The following SLC4A7 variants were observed in gnomAD, a reference collection of about 807,000 sequenced individuals.
The protein encoded by SLC4A7 is solute carrier family 4 member 7, also known as sodium bicarbonate cotransporter 3.
In SLC4A7, 51 loss-of-function variants were observed where a neutral mutation model predicts 137.6. The observed-to-expected ratio is 0.37, with a 90% CI of 0.30 to 0.47. SLC4A7 has a LOEUF of 0.47. Among genes scored for constraint, SLC4A7 ranks in the 20% least tolerant of loss-of-function variants. The pLI, the probability that SLC4A7 is intolerant of heterozygous loss-of-function variation, is 1.00. For synonymous variants in SLC4A7, 542 were observed against 518.6 expected (o/e 1.05, Z -0.61); for missense variants, 1,247 against 1,525.4 (o/e 0.82, Z 3.04).
At chr3:27,413,837 G>A (rs2054133542) in intron 11 of SLC4A7, among the ~76,000 whole-genome samples, 1 of 152,200 alleles carries the variant, frequency 6.6e-6, no homozygotes, top group South Asian at 2.1e-4. Flanking sequence ...ACTTAACACT[G>A]TACTAGAGAT....
intron 22 of SLC4A7, 65 bp downstream of exon 22, chr3:27,389,866 A>G (rs1388371957): frequency 1.7e-6 from 2 of 1,185,796 alleles, no homozygotes; most frequent in African/African-American, 1.6e-5. Context: ...AATTATAAAT[A>G]TTAATAAAAA....
rs1269165343 is a variant in SLC4A7 at position 27,373,689 on chromosome 3, T to C, written c.*3075A>G. 1 of 152,196 alleles carries C rather than the reference T, an allele frequency of 6.6e-6. No homozygotes were observed. Among genetic ancestry groups the C allele is most frequent in the Non-Finnish European group, 1.5e-5 (1 of 67,948 alleles). The allele number at this position is 152,196 out of a possible 1,614,324, so 9.4% of individuals were successfully genotyped here. Reference sequence around the variant, plus strand: ...AGAAAGCATTTTTCTTTCAACAGAATTTTGAACCTGCCTTTGTGAAAGAAA... The same window carrying C: ...AGAAAGCATTTTTCTTTCAACAGAACTTTGAACCTGCCTTTGTGAAAGAAA... On this transcript the variant is annotated 3_prime_UTR_variant, in exon 26 of 26. Transcript: ENST00000454389.
intron 1 of SLC4A7, among the ~76,000 whole-genome samples, chr3:27,475,058 C>T (rs1256484728): frequency 6.6e-6 from 1 of 151,766 alleles, no homozygotes; most frequent in Non-Finnish European, 1.5e-5. Context: ...TGCAGTGAGC[C>T]GAGATTGCAC....
chr3:27,395,180 CAT>C, intron 18 of SLC4A7, 65 bp from the exon 19 acceptor site: 3 of 1,184,488 alleles, frequency 2.5e-6, no homozygotes, highest in Non-Finnish European at 3.5e-6. Context: ...ATTTCCATAA[CAT>C]AGACTTGATC....
chr3:27,407,974 G>C (rs2053546115), intron 13 of SLC4A7, among the ~76,000 whole-genome samples: 3 of 152,092 alleles, frequency 2.0e-5, no homozygotes, highest in Non-Finnish European at 4.4e-5. Context: ...TTCTAATAAA[G>C]CACCTGATAA....
chr3:27,451,643 G>A (rs1666889802), intron 2 of SLC4A7, among the ~76,000 whole-genome samples: 1 of 152,100 alleles, frequency 6.6e-6, no homozygotes, highest in South Asian at 2.1e-4. Context: ...GCAACTAAAT[G>A]TACTGTTACA....
At position 27,376,916 on chromosome 3, in the gene SLC4A7, T is replaced by A. The variant is rs2049944809; in HGVS notation, c.3699-71A>T. On this transcript the variant is annotated intron_variant, in intron 25 of 25. Transcript: ENST00000454389. ...ATTCAATTCTAAACATGGCTAACAATGAGTATACTAAACCTTCTGAGATTA... is the reference window on the plus strand; with the variant it reads ...ATTCAATTCTAAACATGGCTAACAAAGAGTATACTAAACCTTCTGAGATTA... 7.1e-6 allele frequency: 5 copies of A among 702,794 alleles called. No homozygotes were observed. The South Asian group carries it at 1.5e-4, about 21-fold the overall frequency. The allele number at this position is 702,794 out of a possible 1,614,324, so 43.5% of individuals were successfully genotyped here. A position where few individuals can be genotyped will look rare whatever the true frequency, so the allele number is the denominator to read the frequency against.
chr3:27,383,426 C>A (rs771955143), intron 23 of SLC4A7, among the ~76,000 whole-genome samples, 176 bp from the exon 24 acceptor site: 1 of 152,082 alleles, frequency 6.6e-6, no homozygotes, highest in Non-Finnish European at 1.5e-5. Context: ...ATAAAAACAA[C>A]CACTTGTAAA....
chr3:27,461,919 A>G (rs2058722346), intron 1 of SLC4A7, among the ~76,000 whole-genome samples: 2 of 151,966 alleles, frequency 1.3e-5, no homozygotes, highest in African/African-American at 4.8e-5. Context: ...CCAAGATTGT[A>G]CCACTGCACT....
In SLC4A7 at chr3:27,398,464, C is replaced by G. The variant is rs186440432; in HGVS notation, c.2428-111G>C. The G allele has an allele frequency of 1.0e-3, 859 of 825,070 alleles. 1 individual carries two copies. In the African/African-American group the frequency reaches 0.012, roughly 12 times the overall value. The allele number at this position is 825,070 out of a possible 1,614,324, so 51.1% of individuals were successfully genotyped here. On this transcript the variant is annotated intron_variant, in intron 16 of 25. Coordinates refer to ENST00000454389, the MANE Select transcript of SLC4A7 (RefSeq NM_001321103.2). ...CAACTGATTGTAAGAGGCACCATTA[C>G]TTTGTATTCCTTATAAAGAAAAAAC...
intron 1 of SLC4A7, among the ~76,000 whole-genome samples, chr3:27,463,745 A>G (rs2058824864): frequency 6.6e-6 from 1 of 151,852 alleles, no homozygotes; most frequent in Non-Finnish European, 1.5e-5. Flanking sequence ...GAAGAGCCTG[A>G]CCCCTCCTGT....
intron 3 of SLC4A7, among the ~76,000 whole-genome samples, chr3:27,442,024 G>A (rs2057238011): frequency 6.6e-6 from 1 of 151,628 alleles, no homozygotes; most frequent in African/African-American, 2.4e-5. Context: ...ATAGCTGGTG[G>A]CACGTGCCAC....
chr3:27,480,002 A>G (rs1289639817), intron 1 of SLC4A7, among the ~76,000 whole-genome samples: 1 of 152,214 alleles, frequency 6.6e-6, no homozygotes, highest in East Asian at 1.9e-4. Context: ...GGATGTTGAC[A>G]ATTATAACTA....
Position 27,436,868 on chromosome 3 carries a change from CATA to C in SLC4A7, c.429-323_429-321del, listed in dbSNP as rs578130438. Among the ~76,000 whole-genome samples the C allele has an allele frequency of 3.5e-4, 53 of 152,102 alleles. No homozygotes were observed. The East Asian group carries it at 0.01, about 29-fold the overall frequency. On this transcript the variant is annotated intron_variant, in intron 4 of 25. Coordinates refer to ENST00000454389, the MANE Select transcript of SLC4A7 (RefSeq NM_001321103.2). The stretch of plus-strand genomic sequence containing the variant: ...TTGTAGACATTAAAATCTATAATGA[CATA>C]ATTTCTTTATGAAAGTATAAAGGAT...
chr3:27,443,365 T>C (rs9839331), intron 3 of SLC4A7, among the ~76,000 whole-genome samples: 140,656 of 152,126 alleles, frequency 0.92, 65,153 homozygotes, highest in East Asian at 1. Context: ...GGGATGTGTA[T>C]CGAAATTTTC....
intron 6 of SLC4A7, among the ~76,000 whole-genome samples, chr3:27,431,904 T>C (rs1388792713): frequency 2.0e-5 from 3 of 152,128 alleles, no homozygotes; most frequent in African/African-American, 4.8e-5. Flanking sequence ...TAATGACAGA[T>C]GGTGGGGGCA....
intron 13 of SLC4A7, among the ~76,000 whole-genome samples, chr3:27,407,145 T>C (rs1219020723): frequency 2.0e-5 from 3 of 150,240 alleles, no homozygotes; most frequent in East Asian, 2.0e-4. Flanking sequence ...TTGAACTGTT[T>C]CTATGTTCAC....
At chr3:27,415,264 T>A (rs2054274263) in intron 11 of SLC4A7, among the ~76,000 whole-genome samples, 1 of 152,172 alleles carries the variant, frequency 6.6e-6, no homozygotes, top group South Asian at 2.1e-4. Context: ...GCAAGGTACT[T>A]CCTGACTTCA....
chr3:27,441,537 G>C (rs1030677433), intron 3 of SLC4A7, among the ~76,000 whole-genome samples: 3 of 152,080 alleles, frequency 2.0e-5, no homozygotes, highest in African/African-American at 7.2e-5. Context: ...TGTTGCCCAG[G>C]CTGGAAGTGT....
Sources: allele counts gnomAD v4.1 joint callset (sites outside exome capture counted in the v4.1 genomes callset), GRCh38; gene constraint gnomAD v4.1.1; transcripts MANE v1.5; gene names NCBI Gene and HGNC (gene_info 2026-07-23, HGNC 2026-07-21).